CHERP: variants seen among roughly 807,000 people sequenced by gnomAD.
CHERP encodes ERPROT 213-21.
Under a neutral mutation model 113.8 loss-of-function variants are expected in CHERP, and 8 were observed. The ratio of observed to expected loss-of-function variants is 0.07; its 90% CI spans 0.04 to 0.13. The LOEUF is 0.13. CHERP is among the 10% of genes least tolerant of loss of function. The pLI is 1.00. For missense variants in CHERP, 884 were observed against 1,298.2 expected (o/e 0.68, Z 4.90); for synonymous variants, 559 against 524.5 (o/e 1.07, Z -0.90).
At chr19:16,529,997 G>C in intron 7 of CHERP, 97 bp from the exon 8 acceptor site, 1 of 1,471,260 alleles carries the variant, frequency 6.8e-7, no homozygotes, top group African/African-American at 1.4e-5. Context: ...AGAGCCTGGG[G>C]GACCTGGGGC....
chr19:16,520,708 G>T lies in CHERP; in HGVS notation c.2201+118C>A. Reference sequence around the variant, plus strand: ...GAATTCAGGCCTTGTGGAAAACACCGCCCCATAGGCACAGGCTGTGTGAGG... The same window carrying T: ...GAATTCAGGCCTTGTGGAAAACACCTCCCCATAGGCACAGGCTGTGTGAGG... On this transcript the variant is annotated intron_variant, in intron 13 of 16. Transcript: ENST00000546361. The surrounding 1 kb of genome is among the most constrained non-coding windows in gnomAD (Gnocchi z 4.0). 1.7e-6 allele frequency: 2 copies of T among 1,193,162 alleles called. No individual in the cohort carries two copies. The highest frequency in any genetic ancestry group is 2.5e-6 in the Non-Finnish European group (2 of 813,562). 73.9% of individuals were successfully genotyped at this position (1,193,162 alleles called of 1,614,324 possible). A position where few individuals can be genotyped will look rare whatever the true frequency, so the allele number is the denominator to read the frequency against.
chr19:16,533,979 AC>A (rs2085724633), intron 3 of CHERP, among the ~76,000 whole-genome samples: 1 of 152,084 alleles, frequency 6.6e-6, no homozygotes, highest in South Asian at 2.1e-4. Context: ...GCGGTCAGTT[AC>A]GGCTGGTCAA....
Position 16,529,812 on chromosome 19 carries a change from T to C in CHERP, c.965A>G (p.Glu322Gly). The change falls in exon 8 of 17, where the codon GAG becomes GGG. Residue 322 changes from glutamate (E) to glycine (G), a missense_variant. Coordinates refer to ENST00000546361, the MANE Select transcript of CHERP (RefSeq NM_006387.6). ...CTGGGCCAGGCTGGTGACAAACTCC[T>C]CGTGCTGCGTCTTGAGGGTCTGGAT... The part of the protein sequence containing the change: ...QQIQTLKTQH[E>G]EFVTSLAQQQ... 6.2e-7 allele frequency: 1 copy of C among 1,613,698 alleles called. No individual in the cohort carries two copies.
chr19:16,530,487 G>T lies in CHERP; in HGVS notation c.876+98C>A. 1 of 1,106,818 alleles carries T rather than the reference G, an allele frequency of 9.0e-7. No individual in the cohort carries two copies. Among genetic ancestry groups the T allele is most frequent in the Non-Finnish European group, 1.4e-6 (1 of 729,372 alleles). 68.6% of individuals were successfully genotyped at this position (1,106,818 alleles called of 1,614,324 possible). ...CACAGGCAGGGGACATGGGCTCTCT[G>T]GCTGCTGGGGTGGCAGCTGCTGTCC... On this transcript the variant is annotated intron_variant, in intron 7 of 16. Coordinates refer to ENST00000546361, the MANE Select transcript of CHERP (RefSeq NM_006387.6). The surrounding 1 kb of genome is among the most constrained non-coding windows in gnomAD (Gnocchi z 4.1).
At chr19:16,526,686 C>CA (rs2085659843) in intron 9 of CHERP, among the ~76,000 whole-genome samples, 1 of 152,138 alleles carries the variant, frequency 6.6e-6, no homozygotes, top group Non-Finnish European at 1.5e-5. Context: ...AGGCTGGTCT[C>CA]AAACTCCTGA....
chr19:16,531,593 G>C (rs1053116167), intron 5 of CHERP, among the ~76,000 whole-genome samples: 1 of 152,262 alleles, frequency 6.6e-6, no homozygotes, highest in African/African-American at 2.4e-5. Context: ...GGCCTGGGCT[G>C]GGCGAGCAGC....
chr19:16,532,484 C>T lies in CHERP; in HGVS notation c.674+114G>A, dbSNP rs1469133254. 18 of 1,315,366 alleles carry T rather than the reference C, an allele frequency of 1.4e-5. No homozygotes were observed. Among genetic ancestry groups the T allele is most frequent in the Non-Finnish European group, 1.6e-5 (16 of 988,476 alleles). 81.5% of individuals were successfully genotyped at this position (1,315,366 alleles called of 1,614,324 possible). A position where few individuals can be genotyped will look rare whatever the true frequency, so the allele number is the denominator to read the frequency against. On this transcript the variant is annotated intron_variant, in intron 5 of 16. Transcript: ENST00000546361. This position sits in a 1 kb window ranked among gnomAD's most constrained non-coding sequence, Gnocchi z 4.4. ...CACCCGGGGTCCCCGGACAAGTGCCCCCTAGTCTCGGGACAGGCCAAGCCA... is the reference window on the plus strand; with the variant it reads ...CACCCGGGGTCCCCGGACAAGTGCCTCCTAGTCTCGGGACAGGCCAAGCCA...
chr19:16,518,317 T>A lies in CHERP; in HGVS notation c.*842A>T, dbSNP rs1328621150. ...GTCGCACACGCCAGCCGGTGCAGGGTTCTTCCAAGTGCAAAACTCAAGCAG... is the reference window on the plus strand; with the variant it reads ...GTCGCACACGCCAGCCGGTGCAGGGATCTTCCAAGTGCAAAACTCAAGCAG... On this transcript the variant is annotated 3_prime_UTR_variant, in exon 17 of 17. Coordinates refer to ENST00000546361, the MANE Select transcript of CHERP (RefSeq NM_006387.6). 6.6e-6 allele frequency: 1 copy of A among 151,410 alleles called. No homozygotes were observed. Among genetic ancestry groups the A allele is most frequent in the East Asian group, 2.0e-4 (1 of 5,128 alleles). 9.4% of individuals were successfully genotyped at this position (151,410 alleles called of 1,614,324 possible). A position where few individuals can be genotyped will look rare whatever the true frequency, so the allele number is the denominator to read the frequency against.
rs906742486 is a variant in CHERP, at chr19:16,531,653, C to T, written c.675-773G>A. On this transcript the variant is annotated intron_variant, in intron 5 of 16. Transcript: ENST00000546361. ...TAGAGAGGCGCGTGGCTGGAGAATG[C>T]GGGAAACTGTGCATCCGTGCAAGGC... 5.3e-5 allele frequency among the ~76,000 whole-genome samples: 8 copies of T among 152,174 alleles called. No individual in the cohort carries two copies. In the East Asian group the frequency reaches 5.8e-4, roughly 11 times the overall value.
chr19:16,542,079 C>A (rs779509323), intron 1 of CHERP, 36 bp from the exon 2 acceptor site: 1 of 1,586,272 alleles, frequency 6.3e-7, no homozygotes, highest in South Asian at 1.1e-5. Flanking sequence ...GGGGCGTCAG[C>A]GAGGACCGCC....
chr19:16,530,085 T>C lies in CHERP; in HGVS notation c.877-185A>G, dbSNP rs1184761283. 6.6e-6 allele frequency among the ~76,000 whole-genome samples: 1 copy of C among 152,174 alleles called. No homozygotes were observed. Among genetic ancestry groups the C allele is most frequent in the Admixed American group, 6.5e-5 (1 of 15,280 alleles). ...TGTGCGCTGGGATCTGGCCAGAGAT[T>C]TGGGGATGAGGATGTTCGCTGCAGC... On this transcript the variant is annotated intron_variant, in intron 7 of 16. Transcript: ENST00000546361. This position sits in a 1 kb window ranked among gnomAD's most constrained non-coding sequence, Gnocchi z 4.1.
intron 2 of CHERP, among the ~76,000 whole-genome samples, chr19:16,538,921 C>T (rs2122288702): frequency 6.6e-6 from 1 of 152,046 alleles, no homozygotes; most frequent in East Asian, 1.9e-4. Flanking sequence ...GGATTCTACC[C>T]CTTCACCCCA....
At chr19:16,542,290 C>T in intron 1 of CHERP, 64 bp downstream of exon 1, 2 of 1,346,542 alleles carry the variant, frequency 1.5e-6, no homozygotes, top group South Asian at 1.8e-5. Context: ...CTCCGGGAGG[C>T]GGGGCCGGCC....
chr19:16,528,320 C>T (rs1210766828), intron 8 of CHERP, 65 bp from the exon 9 acceptor site: 23 of 1,473,070 alleles, frequency 1.6e-5, no homozygotes, highest in Admixed American at 2.2e-5. Context: ...CCTCTCCACA[C>T]TACCCCAGAG....
Position 16,523,989 on chromosome 19 carries a change from C to T in CHERP, c.1742-699G>A, listed in dbSNP as rs912077938. On this transcript the variant is annotated intron_variant, in intron 10 of 16. Transcript: ENST00000546361. The surrounding 1 kb of genome is among the most constrained non-coding windows in gnomAD (Gnocchi z 4.0). ...AGAGAAGGCTGGGCATGGTGGCTCA[C>T]GCCTGTAATCTCAGCACTTTGGGAG... Among the ~76,000 whole-genome samples the T allele has an allele frequency of 7.9e-5, 12 of 152,198 alleles. No homozygotes were observed. Among genetic ancestry groups the T allele is most frequent in the South Asian group, 2.1e-4 (1 of 4,836 alleles).
Position 16,532,455 on chromosome 19 carries a change from C to A in CHERP, c.674+143G>T. 1 of 1,033,116 alleles carries A rather than the reference C, an allele frequency of 9.7e-7. No homozygotes were observed. The highest frequency in any genetic ancestry group is 1.4e-6 in the Non-Finnish European group (1 of 734,172). 64.0% of individuals were successfully genotyped at this position (1,033,116 alleles called of 1,614,324 possible). On this transcript the variant is annotated intron_variant, in intron 5 of 16. Transcript: ENST00000546361. This position sits in a 1 kb window ranked among gnomAD's most constrained non-coding sequence, Gnocchi z 4.4. ...CAGAAGCCTGGTGGCTCACAGAGAC[C>A]CCCCACCCGGGGTCCCCGGACAAGT... is the stretch of plus-strand genomic sequence containing the variant.
Position 16,525,307 on chromosome 19 carries a change from C to T in CHERP, c.1676G>A (p.Arg559Gln). Reference protein sequence around the residue: ...PRFMQDDFPPRHPFERPPYPH... With the variant: ...PRFMQDDFPPQHPFERPPYPH... ...ATAGGGCGGCCGCTCGAAGGGGTGC[C>T]GTGGCGGGAAGTCGTCCTGCATGAA... is the stretch of plus-strand genomic sequence containing the variant. Residue 559 changes from arginine (R) to glutamine (Q), a missense_variant, in exon 10 of 17, where the codon CGG becomes CAG. By Grantham distance (43) the Arg-to-Gln change is conservative (BLOSUM62 1). Around this residue, in one of 8 missense-constraint regions of CHERP, gnomAD observed 464 missense variants for 590.1 expected, o/e 0.79. Coordinates refer to ENST00000546361, the MANE Select transcript of CHERP (RefSeq NM_006387.6). The surrounding 1 kb of genome is among the most constrained non-coding windows in gnomAD (Gnocchi z 6.5). 1.4e-6 allele frequency: 2 copies of T among 1,453,734 alleles called. No individual in the cohort carries two copies. The highest frequency in any genetic ancestry group is 1.5e-5 in the South Asian group (1 of 67,442). 90.1% of individuals were successfully genotyped at this position (1,453,734 alleles called of 1,614,324 possible).
chr19:16,526,387 G>A (rs976875463), intron 9 of CHERP: 1 of 152,268 alleles, frequency 6.6e-6, no homozygotes, highest in Non-Finnish European at 1.5e-5. Flanking sequence ...CCCTACTAAG[G>A]GGAGGCTGGC....
In CHERP at chr19:16,519,966, C is replaced by T; in HGVS notation, c.2462+183G>A. On this transcript the variant is annotated intron_variant, in intron 15 of 16. Coordinates refer to ENST00000546361, the MANE Select transcript of CHERP (RefSeq NM_006387.6). The surrounding 1 kb of genome is among the most constrained non-coding windows in gnomAD (Gnocchi z 6.0). ...CCCAGATGGTGGTTAGAAAGCAGAC[C>T]CCAGTTACTGCCTCAGGCTTCGCCA... The T allele has an allele frequency of 1.4e-6, 1 of 702,062 alleles. No homozygotes were observed. Among genetic ancestry groups the T allele is most frequent in the Middle Eastern group, 4.1e-4 (1 of 2,466 alleles). The allele number at this position is 702,062 out of a possible 1,614,324, so 43.5% of individuals were successfully genotyped here.
Sources: allele counts gnomAD v4.1 joint callset (sites outside exome capture counted in the v4.1 genomes callset), GRCh38; gene constraint gnomAD v4.1.1; regional missense constraint gnomAD v4.1.1; non-coding constraint Gnocchi (gnomAD v3.1); transcripts MANE v1.5; gene names NCBI Gene and HGNC (gene_info 2026-07-23, HGNC 2026-07-21).